PIP4K2A: variants seen among roughly 807,000 people sequenced by gnomAD.
PIP4K2A encodes the protein phosphatidylinositol 5-phosphate 4-kinase type-2 alpha.
A neutral mutation model predicts 42.9 loss-of-function variants in PIP4K2A; 14 were observed. The ratio of observed to expected loss-of-function variants is 0.33; its 90% CI spans 0.22 to 0.51. The LOEUF (loss-of-function observed/expected upper bound fraction) is 0.51, where lower values mean the gene tolerates loss of function less well. Ranked by LOEUF, PIP4K2A falls within the 20% of genes least tolerant of loss-of-function variation. PIP4K2A has a pLI of 0.97. For missense variants in PIP4K2A, 434 were observed against 519.8 expected, an observed-to-expected ratio of 0.83 and a Z score of 1.61; for synonymous variants, 192 against 192.2, an observed-to-expected ratio of 1.00 and a Z score of 0.01.
chr10:22,580,510 G>A (rs2130805909), intron 4 of PIP4K2A, among the ~76,000 whole-genome samples: 1 of 152,024 alleles, frequency 6.6e-6, no homozygotes, highest in Non-Finnish European at 1.5e-5. Flanking sequence ...AAGAAAGACA[G>A]TGAGAAGAAG....
chr10:22,573,564 G>T, intron 4 of PIP4K2A, 107 bp from the exon 5 acceptor site: 2 of 871,718 alleles, frequency 2.3e-6, no homozygotes, highest in Non-Finnish European at 3.4e-6. Context: ...AAAACCTCCA[G>T]CCATTAGGGT....
chr10:22,632,759 T>TG (rs1838575114), intron 1 of PIP4K2A, among the ~76,000 whole-genome samples: 2 of 152,106 alleles, frequency 1.3e-5, no homozygotes, highest in South Asian at 4.1e-4. Flanking sequence ...ATAAAAATTA[T>TG]GGGGAAAAAA....
At chr10:22,569,204 G>C in intron 5 of PIP4K2A, 1 of 648,650 alleles carries the variant, frequency 1.5e-6, no homozygotes, top group Non-Finnish European at 2.7e-6. Flanking sequence ...AGGCTGGGGG[G>C]GTCTCCCCAG....
At chr10:22,545,641 TAAG>T (rs1388546862) in intron 7 of PIP4K2A, among the ~76,000 whole-genome samples, 4 of 152,206 alleles carry the variant, frequency 2.6e-5, no homozygotes, top group Non-Finnish European at 5.9e-5. Context: ...CATCTCTAGG[TAAG>T]AAGCTGTTCT....
intron 1 of PIP4K2A, chr10:22,659,815 C>T (rs1380463658): frequency 1.3e-5 from 2 of 152,004 alleles, no homozygotes; most frequent in Non-Finnish European, 2.9e-5. Flanking sequence ...CCTCCCACTC[C>T]GCGCCCCTCC....
intron 6 of PIP4K2A, among the ~76,000 whole-genome samples, chr10:22,558,602 T>G (rs1365965062): frequency 6.6e-6 from 1 of 152,192 alleles, no homozygotes; most frequent in Admixed American, 6.5e-5. Flanking sequence ...GCCAACCTCC[T>G]TTAACTACAT....
At chr10:22,549,589 C>T (rs1311805817) in intron 7 of PIP4K2A, among the ~76,000 whole-genome samples, 1 of 151,726 alleles carries the variant, frequency 6.6e-6, no homozygotes, top group Non-Finnish European at 1.5e-5. Flanking sequence ...CGCCTGTAAT[C>T]CCAGCACTTT....
At chr10:22,657,316 C>T (rs769428336) in intron 1 of PIP4K2A, among the ~76,000 whole-genome samples, 6 of 152,182 alleles carry the variant, frequency 3.9e-5, no homozygotes, top group Non-Finnish European at 7.4e-5. Flanking sequence ...TGGGAATAAC[C>T]CCAAAGCACT....
At chr10:22,573,551 G>C in intron 4 of PIP4K2A, 94 bp from the exon 5 acceptor site, 1 of 1,097,668 alleles carries the variant, frequency 9.1e-7, no homozygotes, top group Non-Finnish European at 1.3e-6. Flanking sequence ...TTCATACAAA[G>C]TGAAAACCTC....
intron 1 of PIP4K2A, among the ~76,000 whole-genome samples, chr10:22,681,393 G>GGT (rs1839657413): frequency 6.6e-6 from 1 of 152,226 alleles, no homozygotes; most frequent in Admixed American, 6.5e-5. Flanking sequence ...TGGCTTCTCA[G>GGT]CCAGACACAG....
chr10:22,573,016 C>T (rs1022154965), intron 5 of PIP4K2A, among the ~76,000 whole-genome samples: 6 of 152,244 alleles, frequency 3.9e-5, no homozygotes, highest in Non-Finnish European at 7.3e-5. Flanking sequence ...ACCAGAATGT[C>T]AGCTCCCCGA....
intron 4 of PIP4K2A, among the ~76,000 whole-genome samples, chr10:22,573,772 T>C (rs530950007): frequency 1.3e-5 from 2 of 152,352 alleles, no homozygotes; most frequent in South Asian, 4.1e-4. Flanking sequence ...AAATTCCTTT[T>C]AAGGGATATT....
intron 3 of PIP4K2A, among the ~76,000 whole-genome samples, chr10:22,598,062 A>T (rs574343354): frequency 1.3e-5 from 2 of 152,320 alleles, no homozygotes; most frequent in African/African-American, 4.8e-5. Flanking sequence ...ACATTATTTA[A>T]ATTCAAAATT....
intron 3 of PIP4K2A, among the ~76,000 whole-genome samples, chr10:22,603,875 C>T (rs1451943218): frequency 6.6e-6 from 1 of 152,174 alleles, no homozygotes; most frequent in African/African-American, 2.4e-5. Flanking sequence ...TGATCAGAAC[C>T]TTGATGACAC....
intron 1 of PIP4K2A, among the ~76,000 whole-genome samples, chr10:22,656,133 T>A (rs1839095639): frequency 6.6e-6 from 1 of 152,176 alleles, no homozygotes; most frequent in African/African-American, 2.4e-5. Flanking sequence ...ATAGAATTAC[T>A]CCTAAGTGTT....
At chr10:22,699,562 G>A (rs1008224549) in intron 1 of PIP4K2A, among the ~76,000 whole-genome samples, 4 of 151,830 alleles carry the variant, frequency 2.6e-5, no homozygotes, top group African/African-American at 9.7e-5. Flanking sequence ...TCAAAGGGCC[G>A]ACAAATAAAT....
chr10:22,600,728 A>C (rs1345708150), intron 3 of PIP4K2A, among the ~76,000 whole-genome samples: 1 of 152,144 alleles, frequency 6.6e-6, no homozygotes, highest in Non-Finnish European at 1.5e-5. Flanking sequence ...TGCAGTTGAC[A>C]TATCTGAGCG....
chr10:22,628,059 T>C (rs990707031), intron 1 of PIP4K2A, among the ~76,000 whole-genome samples: 1 of 152,188 alleles, frequency 6.6e-6, no homozygotes, highest in Non-Finnish European at 1.5e-5. Flanking sequence ...TTTAAAGTGA[T>C]TTTACTATTA....
intron 1 of PIP4K2A, among the ~76,000 whole-genome samples, chr10:22,645,557 A>G (rs1238980595): frequency 6.6e-6 from 1 of 151,686 alleles, no homozygotes; most frequent in Non-Finnish European, 1.5e-5. Context: ...TTTAAAAAAA[A>G]AAAAAAAAGA....
Sources: gnomAD v4.1 joint callset for allele counts (sites outside exome capture counted in the v4.1 genomes callset) on GRCh38, gnomAD v4.1.1 for gene constraint, MANE v1.5 for transcripts, NCBI Gene and HGNC (gene_info 2026-07-23, HGNC 2026-07-21) for gene names.